The following WFDC8 variants were observed in gnomAD, a reference collection of about 807,000 sequenced individuals.
WFDC8 encodes the protein WAP four-disulfide core domain 8, also known as WAP four-disulfide core domain protein 8.
A neutral mutation model predicts 27.0 loss-of-function variants in WFDC8; 24 were observed. That is an observed-to-expected ratio of 0.89 (90% CI 0.64 to 1.25). WFDC8 has a LOEUF of 1.25. Ranked by LOEUF, WFDC8 falls within the 50% of genes most tolerant of loss-of-function variation. The probability of loss-of-function intolerance (pLI) is 0.00; values close to 1 mark genes in which losing one functional copy is unlikely to be tolerated. For synonymous variants in WFDC8, 106 were observed against 99.7 expected (o/e 1.06, Z -0.38); for missense variants, 287 against 295.9 (o/e 0.97, Z 0.22).
At chr20:45,555,049 C>G (rs377164352) in intron 4 of WFDC8, among the ~76,000 whole-genome samples, 52 of 152,320 alleles carry the variant, frequency 3.4e-4, no homozygotes, top group South Asian at 1.4e-3. Flanking sequence ...TGTTTTAAAT[C>G]ACATATAATC....
intron 1 of WFDC8, among the ~76,000 whole-genome samples, chr20:45,576,204 T>G (rs1360246864): frequency 6.6e-6 from 1 of 151,334 alleles, no homozygotes; most frequent in Non-Finnish European, 1.5e-5. Context: ...TGTCAATGAT[T>G]GAGAAAGGTG....
intron 3 of WFDC8, 83 bp from the exon 4 acceptor site, chr20:45,555,951 C>G: frequency 7.1e-7 from 1 of 1,410,296 alleles, no homozygotes; most frequent in Non-Finnish European, 9.7e-7. Flanking sequence ...TCTCATAACT[C>G]CTGGTGTTAT....
Position 45,553,226 on chromosome 20 carries a change from GAC to G in WFDC8, c.494_495del (p.Cys165SerfsTer7). ...PLFPFTERKE[C>X]PPSCHSDIDC... The stretch of plus-strand genomic sequence containing the variant: ...TCGATGTCACTGTGACATGAAGGTG[GAC>G]ACTCCTTACGTTCAGTGAAAGGGAA... On this transcript the variant is annotated frameshift_variant, in exon 5 of 6. Coordinates refer to ENST00000289953, the MANE Select transcript of WFDC8 (RefSeq NM_130896.3). LOFTEE classifies it high-confidence loss of function. 1 of 1,613,862 alleles carries G rather than the reference GAC, an allele frequency of 6.2e-7. No individual in the cohort carries two copies. Among genetic ancestry groups the G allele is most frequent in the Non-Finnish European group, 8.5e-7 (1 of 1,179,806 alleles).
At chr20:45,556,257 A>T (rs935618179) in intron 3 of WFDC8, among the ~76,000 whole-genome samples, 1 of 152,222 alleles carries the variant, frequency 6.6e-6, no homozygotes, top group Non-Finnish European at 1.5e-5. Flanking sequence ...TTCTTAAATA[A>T]ATGTGGTTAT....
At chr20:45,558,798 T>A in intron 3 of WFDC8, 54 bp downstream of exon 3, 2 of 1,607,834 alleles carry the variant, frequency 1.2e-6, no homozygotes, top group South Asian at 2.2e-5. Flanking sequence ...CCTCAGCCAG[T>A]TTTGGACAGA....
At chr20:45,556,580 C>A (rs1270704088) in intron 3 of WFDC8, among the ~76,000 whole-genome samples, 1 of 151,996 alleles carries the variant, frequency 6.6e-6, no homozygotes, top group Non-Finnish European at 1.5e-5. Flanking sequence ...TGACAATGAC[C>A]AACTGAGAGC....
At chr20:45,569,485 T>A (rs562811001) in intron 1 of WFDC8, among the ~76,000 whole-genome samples, 1 of 152,308 alleles carries the variant, frequency 6.6e-6, no homozygotes, top group African/African-American at 2.4e-5. Flanking sequence ...TAAGAAAAAA[T>A]TTGATTCCTG....
At chr20:45,574,834 C>T (rs1980991020) in intron 1 of WFDC8, among the ~76,000 whole-genome samples, 1 of 152,142 alleles carries the variant, frequency 6.6e-6, no homozygotes, top group Admixed American at 6.6e-5. Flanking sequence ...TTACCATGAT[C>T]AAGTGGGATT....
chr20:45,555,309 G>A (rs1047816545), intron 4 of WFDC8, among the ~76,000 whole-genome samples: 4 of 152,056 alleles, frequency 2.6e-5, no homozygotes, highest in African/African-American at 7.3e-5. Context: ...TTACTCCATG[G>A]GATTCCAGAG....
At chr20:45,562,046 T>A in intron 2 of WFDC8, 64 bp downstream of exon 2, 1 of 1,479,514 alleles carries the variant, frequency 6.8e-7, no homozygotes, top group Non-Finnish European at 9.3e-7. Context: ...ACTGGCCTCA[T>A]GTCTAACCCT....
chr20:45,569,802 T>C (rs1980808674), intron 1 of WFDC8, among the ~76,000 whole-genome samples: 1 of 152,062 alleles, frequency 6.6e-6, no homozygotes. Context: ...CCATCAATGG[T>C]AGACTGGATA....
At chr20:45,569,636 C>A (rs1291105307) in intron 1 of WFDC8, among the ~76,000 whole-genome samples, 2 of 152,112 alleles carry the variant, frequency 1.3e-5, no homozygotes, top group East Asian at 1.9e-4. Flanking sequence ...AAATTTAAGT[C>A]TTTAATCCAT....
Position 45,555,867 on chromosome 20 carries a change from T to G in WFDC8, c.279A>C (p.Glu93Asp), listed in dbSNP as rs761845437. The G allele has an allele frequency of 6.2e-7, 1 of 1,613,584 alleles. No individual in the cohort carries two copies. The highest frequency in any genetic ancestry group is 8.5e-7 in the Non-Finnish European group (1 of 1,179,622). ...CQKKCMDPFQ[E>D]PCMLPVRHGN... ...CATGCCTCACAGGTAGCATGCAGGG[T>G]TCTGAGGTCAGGAAGCAAGGAAAGA... The change falls in exon 4 of 6, where the codon GAA (glutamate) becomes GAC (aspartate). Residue 93 changes from glutamate to aspartate, a missense_variant and splice_region_variant. By Grantham distance (45) the Glu-to-Asp change is conservative. Coordinates refer to ENST00000289953, the MANE Select transcript of WFDC8 (RefSeq NM_130896.3).
chr20:45,575,954 G>A (rs2145579178), intron 1 of WFDC8, among the ~76,000 whole-genome samples: 1 of 151,376 alleles, frequency 6.6e-6, no homozygotes, highest in East Asian at 1.9e-4. Context: ...ACCTTGAGGA[G>A]GACAACTAGC....
intron 3 of WFDC8, among the ~76,000 whole-genome samples, chr20:45,558,007 G>A (rs557014536): frequency 1.3e-5 from 2 of 152,254 alleles, no homozygotes; most frequent in Non-Finnish European, 2.9e-5. Context: ...CAAGATCACA[G>A]TGAAACCTGC....
chr20:45,557,817 C>CA (rs560143887), intron 3 of WFDC8, among the ~76,000 whole-genome samples: 166 of 152,274 alleles, frequency 1.1e-3, no homozygotes, highest in Non-Finnish European at 1.7e-3. Context: ...AAGTGCCTAA[C>CA]AAAGTGCCTA....
At position 45,573,204 on chromosome 20, in the gene WFDC8, T is replaced by C. The variant is rs138428934; in HGVS notation, c.26+6018A>G. ...GAAATCATTGCCCACACCCATGTAA[T>C]GGAGCTTTCCCCCTATGTTTTCTTC... is the stretch of plus-strand genomic sequence containing the variant. On this transcript the variant is annotated intron_variant, in intron 1 of 5. Transcript: ENST00000289953. 1.7e-3 allele frequency among the ~76,000 whole-genome samples: 260 copies of C among 152,374 alleles called. 11 individuals carry two copies. In the East Asian group the frequency reaches 0.042, roughly 25 times the overall value.
In WFDC8 at chr20:45,564,533, G is replaced by A. The variant is rs1392851395; in HGVS notation, c.27-2314C>T. The stretch of plus-strand genomic sequence containing the variant: ...AAACAAAATACAAAAAATTAACCGG[G>A]CGTGGTGGCGGGTGCCTGTAGTCCC... On this transcript the variant is annotated intron_variant, in intron 1 of 5. Transcript: ENST00000289953. Among the ~76,000 whole-genome samples, 8 of 152,098 alleles carry A rather than the reference G, an allele frequency of 5.3e-5. No homozygotes were observed. In the East Asian group the frequency reaches 1.5e-3, roughly 29 times the overall value.
intron 1 of WFDC8, among the ~76,000 whole-genome samples, chr20:45,570,411 T>G (rs1980827193): frequency 6.6e-6 from 1 of 151,202 alleles, no homozygotes; most frequent in South Asian, 2.1e-4. Flanking sequence ...TTATATATAT[T>G]TTAAAAAATT....
Sources: allele counts gnomAD v4.1 joint callset (sites outside exome capture counted in the v4.1 genomes callset), GRCh38; gene constraint gnomAD v4.1.1; transcripts MANE v1.5; gene names NCBI Gene and HGNC (gene_info 2026-07-23, HGNC 2026-07-21).